Variants in KCNK2 observed in about 807,000 individuals in gnomAD.
KCNK2 encodes potassium two pore domain channel subfamily K member 2, also known as potassium channel subfamily K member 2.
In KCNK2, 21 loss-of-function variants were observed where a neutral mutation model predicts 40.5. The ratio of observed to expected loss-of-function variants is 0.52; its 90% CI spans 0.37 to 0.75. The LOEUF is 0.75. KCNK2 is among the 30% of genes least tolerant of loss of function. The pLI is 0.00. For missense variants in KCNK2, 399 were observed against 531.6 expected (o/e 0.75, Z 2.45); for synonymous variants, 191 against 202.2 (o/e 0.94, Z 0.47).
chr1:215,220,458 ACT>A (rs1475822519), intron 6 of KCNK2, among the ~76,000 whole-genome samples: 6 of 151,720 alleles, frequency 4.0e-5, no homozygotes, highest in Admixed American at 3.9e-4. Context: ...CCCATCTCAG[ACT>A]CTGAAACCCA....
In KCNK2 at chr1:215,086,610, A is replaced by G; in HGVS notation, c.289A>G (p.Ile97Val). The G allele has an allele frequency of 6.2e-7, 1 of 1,614,118 alleles. No homozygotes were observed. Among genetic ancestry groups the G allele is most frequent in the Non-Finnish European group, 8.5e-7 (1 of 1,179,956 alleles). The change falls in exon 2 of 7, where the codon ATC (isoleucine) becomes GTC (valine). Residue 97 changes from isoleucine (I) to valine (V), a missense_variant. By Grantham distance (29) the Ile-to-Val change is conservative (BLOSUM62 3). Transcript: ENST00000444842. ...HEISQRTTIV[I>V]QKQTFISQHS... ...GATTTCACAGAGGACCACCATTGTG[A>G]TCCAGAAGCAAACATTCATATCCCA...
intron 1 of KCNK2, among the ~76,000 whole-genome samples, chr1:215,033,481 G>A (rs958322517): frequency 6.6e-6 from 1 of 152,060 alleles, no homozygotes; most frequent in Non-Finnish European, 1.5e-5. Context: ...ACAAATAACT[G>A]TTGTAAATAG....
At position 215,111,382 on chromosome 1, in the gene KCNK2, G is replaced by A. The variant is rs1660678068; in HGVS notation, c.358-13251G>A. 2.0e-5 allele frequency among the ~76,000 whole-genome samples: 3 copies of A among 151,944 alleles called. No individual in the cohort carries two copies. In the South Asian group the frequency reaches 6.2e-4, roughly 31 times the overall value. On this transcript the variant is annotated intron_variant, in intron 2 of 6. Coordinates refer to ENST00000444842, the MANE Select transcript of KCNK2 (RefSeq NM_001017425.3). ...GTGTTATATATGACTATTATTTGTT[G>A]TATATATTCATTCATTTGATGGTTT...
intron 3 of KCNK2, among the ~76,000 whole-genome samples, chr1:215,134,501 T>C (rs1267299150): frequency 2.0e-5 from 3 of 152,202 alleles, no homozygotes; most frequent in Non-Finnish European, 4.4e-5. Flanking sequence ...GATACATCCA[T>C]GTGTTCTGCA....
chr1:215,182,990 C>T (rs1034608432), intron 5 of KCNK2, among the ~76,000 whole-genome samples: 3 of 152,184 alleles, frequency 2.0e-5, no homozygotes, highest in Admixed American at 2.0e-4. Context: ...TGAGGGTTCA[C>T]TCACTTTTAT....
chr1:215,200,158 T>C (rs1415477926), intron 6 of KCNK2, among the ~76,000 whole-genome samples: 1 of 152,218 alleles, frequency 6.6e-6, no homozygotes, highest in African/African-American at 2.4e-5. Flanking sequence ...GGCATTGTAT[T>C]GTATGAAAAC....
chr1:215,008,271 G>C (rs922168238), intron 1 of KCNK2, among the ~76,000 whole-genome samples: 3 of 151,994 alleles, frequency 2.0e-5, no homozygotes, highest in Non-Finnish European at 4.4e-5. Flanking sequence ...AGTTATTGAT[G>C]ACAAATGATA....
intron 6 of KCNK2, among the ~76,000 whole-genome samples, chr1:215,196,789 A>C (rs1664885739): frequency 6.6e-6 from 1 of 151,998 alleles, no homozygotes; most frequent in Non-Finnish European, 1.5e-5. Context: ...ATGCTAAGGG[A>C]AAAAATGGAA....
intron 6 of KCNK2, among the ~76,000 whole-genome samples, chr1:215,218,444 C>T (rs1666041931): frequency 6.6e-6 from 1 of 152,214 alleles, no homozygotes; most frequent in African/African-American, 2.4e-5. Flanking sequence ...TCTAATGTCC[C>T]AGTCTTAGTA....
intron 2 of KCNK2, among the ~76,000 whole-genome samples, chr1:215,087,349 A>G (rs972139294): frequency 1.3e-5 from 2 of 152,262 alleles, no homozygotes; most frequent in African/African-American, 4.8e-5. Context: ...AGAGTTTTTG[A>G]ATAAAACTAA....
At chr1:215,093,605 G>GTATATATACTATATAATATATAATA (rs1659803040) in intron 2 of KCNK2, among the ~76,000 whole-genome samples, 1 of 96,002 alleles carries the variant, frequency 1.0e-5, no homozygotes, top group Non-Finnish European at 1.8e-5. Context: ...ATAATATATA[G>GTATATATACTATATAATATATAATA]TATATATAAT....
At chr1:215,233,442 G>T (rs1243731044) in intron 6 of KCNK2, among the ~76,000 whole-genome samples, 1 of 129,652 alleles carries the variant, frequency 7.7e-6, no homozygotes, top group Non-Finnish European at 1.6e-5. Context: ...TTTCATTTCT[G>T]TTTTTGAGTA....
intron 1 of KCNK2, among the ~76,000 whole-genome samples, chr1:215,024,784 C>A (rs558141527): frequency 5.5e-4 from 83 of 152,164 alleles, no homozygotes; most frequent in African/African-American, 2.0e-3. Context: ...CATGTTTTAG[C>A]GGTATATAAA....
At chr1:215,149,725 T>C (rs746031542) in intron 3 of KCNK2, among the ~76,000 whole-genome samples, 22 of 152,176 alleles carry the variant, frequency 1.4e-4, no homozygotes, top group Non-Finnish European at 3.2e-4. Flanking sequence ...AGAAGAGATT[T>C]TGAAAGATAA....
intron 1 of KCNK2, among the ~76,000 whole-genome samples, chr1:215,048,580 G>A (rs766215126): frequency 5.9e-5 from 9 of 152,108 alleles, no homozygotes; most frequent in Non-Finnish European, 1.3e-4. Context: ...TTTTTAAAAA[G>A]GCTTGTATGA....
intron 3 of KCNK2, among the ~76,000 whole-genome samples, chr1:215,130,920 G>A (rs1225580665): frequency 2.0e-5 from 3 of 151,716 alleles, no homozygotes. Context: ...GATTGCAGTG[G>A]CACAATCTCG....
chr1:215,204,037 C>CAAAAAAAAAAAAAAAAAAAAAA (rs71167813), intron 6 of KCNK2, among the ~76,000 whole-genome samples: 1 of 53,178 alleles, frequency 1.9e-5, no homozygotes, highest in African/African-American at 1.1e-4. Context: ...GACTCCGTCT[C>CAAAAAAAAAAAAAAAAAAAAAA]AAAAAAAAAA....
intron 5 of KCNK2, among the ~76,000 whole-genome samples, chr1:215,175,455 T>TA (rs201033065): frequency 6.6e-6 from 1 of 151,930 alleles, no homozygotes; most frequent in African/African-American, 2.4e-5. Flanking sequence ...TCTGATTTTT[T>TA]TTTTGTTTTG....
At chr1:215,071,489 C>T (rs1474518468) in intron 1 of KCNK2, among the ~76,000 whole-genome samples, 1 of 152,098 alleles carries the variant, frequency 6.6e-6, no homozygotes, top group Non-Finnish European at 1.5e-5. Flanking sequence ...ATCTGTTATG[C>T]TCCAGTAGCA....
Sources: allele counts gnomAD v4.1 joint callset (sites outside exome capture counted in the v4.1 genomes callset), GRCh38; gene constraint gnomAD v4.1.1; transcripts MANE v1.5; gene names NCBI Gene and HGNC (gene_info 2026-07-23, HGNC 2026-07-21).